PTPRM: variants seen among roughly 807,000 people sequenced by gnomAD.
PTPRM encodes protein tyrosine phosphatase receptor type M.
Under a neutral mutation model 186.7 loss-of-function variants are expected in PTPRM, and 47 were observed. The observed-to-expected ratio is 0.25, with a 90% CI of 0.20 to 0.32. PTPRM has a LOEUF of 0.32. Ranked by LOEUF, PTPRM falls within the 10% of genes least tolerant of loss-of-function variation. PTPRM has a pLI of 1.00. For missense variants in PTPRM, 1,494 were observed against 1,865.0 expected (o/e 0.80, Z 3.66); for synonymous variants, 668 against 674.9 (o/e 0.99, Z 0.16).
At chr18:7,584,205 G>C (rs2036918164) in intron 1 of PTPRM, among the ~76,000 whole-genome samples, 1 of 152,138 alleles carries the variant, frequency 6.6e-6, no homozygotes. Context: ...GCATTTTTCA[G>C]AGTGACTTTA....
intron 1 of PTPRM, among the ~76,000 whole-genome samples, chr18:7,606,406 T>G (rs919779089): frequency 3.9e-5 from 6 of 152,102 alleles, no homozygotes; most frequent in Middle Eastern, 3.2e-3. Context: ...GGATTTGGCT[T>G]CTTTTTCTCC....
chr18:8,146,090 A>G (rs1436598940), intron 14 of PTPRM, among the ~76,000 whole-genome samples: 1 of 140,988 alleles, frequency 7.1e-6, no homozygotes, highest in African/African-American at 2.7e-5. Context: ...ATGCAATGGC[A>G]TGATCCCAGC....
intron 11 of PTPRM, among the ~76,000 whole-genome samples, chr18:8,094,074 T>G (rs1488705737): frequency 1.3e-5 from 2 of 152,210 alleles, no homozygotes; most frequent in Admixed American, 6.5e-5. Flanking sequence ...TGATCCTGGC[T>G]TAGAGGAGCC....
At chr18:7,569,994 C>T (rs766580532) in intron 1 of PTPRM, among the ~76,000 whole-genome samples, 9 of 152,048 alleles carry the variant, frequency 5.9e-5, no homozygotes, top group East Asian at 1.9e-4. Context: ...GGTGTGGTGG[C>T]GTGTGACTGT....
At chr18:8,368,586 G>A (rs186382333) in intron 23 of PTPRM, among the ~76,000 whole-genome samples, 1 of 152,238 alleles carries the variant, frequency 6.6e-6, no homozygotes, top group Admixed American at 6.5e-5. Flanking sequence ...AAGGTAATGA[G>A]GCTTCCCTGG....
chr18:7,878,843 A>G (rs2048362640), intron 2 of PTPRM, among the ~76,000 whole-genome samples: 3 of 152,190 alleles, frequency 2.0e-5, no homozygotes, highest in Non-Finnish European at 2.9e-5. Flanking sequence ...GAGATTTACA[A>G]CAGAAACTAA....
intron 29 of PTPRM, among the ~76,000 whole-genome samples, chr18:8,384,207 C>T (rs550260797): frequency 2.2e-3 from 331 of 152,284 alleles, no homozygotes; most frequent in African/African-American, 7.8e-3. Flanking sequence ...TCCGTAATCC[C>T]AGCAATTTGG....
intron 1 of PTPRM, among the ~76,000 whole-genome samples, chr18:7,772,349 CTCTTTCTTTCTT>C (rs71935994): frequency 0.12 from 11,347 of 95,880 alleles, 786 homozygotes; most frequent in Middle Eastern, 0.19. Flanking sequence ...TTCTTTCTTT[CTCTTTCTTTCTT>C]TCTTTCTTTC....
intron 14 of PTPRM, among the ~76,000 whole-genome samples, chr18:8,235,474 T>G (rs2094334848): frequency 6.7e-6 from 1 of 148,548 alleles, no homozygotes. Flanking sequence ...TTTTTTTTTT[T>G]TTTTTAGCCT....
chr18:7,923,283 T>C (rs2146760192), intron 4 of PTPRM, among the ~76,000 whole-genome samples: 1 of 152,290 alleles, frequency 6.6e-6, no homozygotes, highest in East Asian at 1.9e-4. Flanking sequence ...ATTAGGTGTC[T>C]GGGAAATCCA....
At chr18:7,651,118 G>T in intron 1 of PTPRM, among the ~76,000 whole-genome samples, 1 of 151,684 alleles carries the variant, frequency 6.6e-6, no homozygotes, top group East Asian at 1.9e-4. Context: ...TTTTAGTAGA[G>T]ATGGAGTTTC....
intron 1 of PTPRM, among the ~76,000 whole-genome samples, chr18:7,649,471 A>G (rs2038644066): frequency 6.6e-6 from 1 of 152,210 alleles, no homozygotes; most frequent in Non-Finnish European, 1.5e-5. Context: ...ACCTCCTGGA[A>G]AGTGTTCACT....
In PTPRM at chr18:7,814,303, C is replaced by T. The variant is rs1039296032; in HGVS notation, c.196+40032C>T. On this transcript the variant is annotated intron_variant, in intron 2 of 32. Transcript: ENST00000580170. ...ACACTGTATCAGGCTGGGTGTACCT[C>T]GTTAAGCACATAGGTGGTAAAATAA... 177 of 152,168 alleles carry T rather than the reference C, an allele frequency of 1.2e-3. 1 individual carries two copies. The highest frequency in any genetic ancestry group is 3.8e-3 in the African/African-American group (159 of 41,516). 9.4% of individuals were successfully genotyped at this position (152,168 alleles called of 1,614,324 possible). A position where few individuals can be genotyped will look rare whatever the true frequency, so the allele number is the denominator to read the frequency against.
At chr18:7,581,237 G>A (rs1211507846) in intron 1 of PTPRM, among the ~76,000 whole-genome samples, 1 of 152,166 alleles carries the variant, frequency 6.6e-6, no homozygotes, top group East Asian at 1.9e-4. Context: ...TCCTTGCTAA[G>A]CATCTTTTCT....
intron 7 of PTPRM, among the ~76,000 whole-genome samples, chr18:8,027,091 A>ATTG (rs2085618655): frequency 6.6e-6 from 1 of 152,162 alleles, no homozygotes; most frequent in African/African-American, 2.4e-5. Flanking sequence ...ATTCTTCTGT[A>ATTG]TTGTGTGTAT....
At chr18:8,144,695 T>C (rs532556876) in intron 14 of PTPRM, among the ~76,000 whole-genome samples, 129 of 152,280 alleles carry the variant, frequency 8.5e-4, no homozygotes, top group African/African-American at 3.0e-3. Flanking sequence ...GATCCTCACC[T>C]CCCATACTTG....
intron 7 of PTPRM, among the ~76,000 whole-genome samples, chr18:7,985,437 GTATA>G (rs773792437): frequency 5.7e-5 from 7 of 123,314 alleles, no homozygotes; most frequent in East Asian, 4.3e-4. Flanking sequence ...TGGTAGATAC[GTATA>G]TAAATATATA....
At chr18:7,715,536 G>A (rs1311711699) in intron 1 of PTPRM, among the ~76,000 whole-genome samples, 1 of 152,142 alleles carries the variant, frequency 6.6e-6, no homozygotes, top group Admixed American at 6.6e-5. Flanking sequence ...GAAATAAAGG[G>A]TATTCAAATA....
chr18:8,348,813 T>A lies in PTPRM; in HGVS notation c.3054+5293T>A, dbSNP rs79293462. Among the ~76,000 whole-genome samples, 857 of 152,350 alleles carry A rather than the reference T, an allele frequency of 5.6e-3. 5 individuals are homozygous for A. The highest frequency in any genetic ancestry group is 0.019 in the African/African-American group (806 of 41,582). On this transcript the variant is annotated intron_variant, in intron 23 of 32. Transcript: ENST00000580170. Reference sequence around the variant, plus strand: ...AAGACCTCATTAGAATGTGACTGTTTATTAAAAATCCAAATGAGGTCTCAC... The same window carrying A: ...AAGACCTCATTAGAATGTGACTGTTAATTAAAAATCCAAATGAGGTCTCAC...
Sources: allele counts gnomAD v4.1 joint callset (sites outside exome capture counted in the v4.1 genomes callset), GRCh38; gene constraint gnomAD v4.1.1; transcripts MANE v1.5; gene names NCBI Gene and HGNC (gene_info 2026-07-23, HGNC 2026-07-21).